Variants in PDE4D observed in about 807,000 individuals in gnomAD.
PDE4D encodes the protein 3',5'-cyclic-AMP phosphodiesterase 4D.
PDE4D carries 24 observed loss-of-function variants against 87.4 expected under a neutral mutation model. That is an observed-to-expected ratio of 0.27 (90% CI 0.20 to 0.39). The LOEUF (loss-of-function observed/expected upper bound fraction) is 0.39. Ranked by LOEUF, PDE4D falls within the 10% of genes least tolerant of loss-of-function variation. PDE4D has a pLI of 1.00. For missense variants in PDE4D, 714 were observed against 1,041.0 expected (o/e 0.69, Z 4.32); for synonymous variants, 384 against 383.2 (o/e 1.00, Z -0.02).
intron 1 of PDE4D, among the ~76,000 whole-genome samples, chr5:60,381,091 G>A (rs1761824686): frequency 6.6e-6 from 1 of 152,154 alleles, no homozygotes; most frequent in Non-Finnish European, 1.5e-5. Flanking sequence ...TAAGAGTGTT[G>A]TATGCCTCAG....
At chr5:59,517,371 G>A (rs990608210) in intron 1 of PDE4D, among the ~76,000 whole-genome samples, 1 of 152,154 alleles carries the variant, frequency 6.6e-6, no homozygotes, top group Non-Finnish European at 1.5e-5. Context: ...ATGCCGTCAA[G>A]AATGGCAGGT....
At chr5:59,034,129 T>C (rs1358200582) in intron 6 of PDE4D, among the ~76,000 whole-genome samples, 1 of 152,174 alleles carries the variant, frequency 6.6e-6, no homozygotes, top group African/African-American at 2.4e-5. Flanking sequence ...ATTCTCAATC[T>C]TTCATATTAA....
intron 1 of PDE4D, among the ~76,000 whole-genome samples, chr5:59,412,473 A>G (rs942929380): frequency 1.3e-5 from 2 of 152,178 alleles, no homozygotes; most frequent in Non-Finnish European, 2.9e-5. Context: ...TGGGGGAAGA[A>G]CTGATTATAG....
chr5:59,740,345 T>C (rs1441523876), intron 1 of PDE4D, among the ~76,000 whole-genome samples: 1 of 152,206 alleles, frequency 6.6e-6, no homozygotes, highest in Non-Finnish European at 1.5e-5. Flanking sequence ...AGTCATCCTT[T>C]TTTTTCTTGC....
In PDE4D at chr5:60,114,256, G is replaced by C. The variant is rs369543216; in HGVS notation, c.42+71301C>G. ...TTTATTTTTACAAGATGGCAACTTA[G>C]TTTTTAAAATATAAGTGAAGTGGTA... On this transcript the variant is annotated intron_variant, in intron 2 of 16. Coordinates refer to the PDE4D transcript ENST00000502484. Among the ~76,000 whole-genome samples, 9 of 152,144 alleles carry C rather than the reference G, an allele frequency of 5.9e-5. No homozygotes were observed. In the East Asian group the frequency reaches 1.7e-3, roughly 29 times the overall value.
At chr5:59,939,291 GC>G (rs1374611285) in intron 3 of PDE4D, among the ~76,000 whole-genome samples, 1 of 152,126 alleles carries the variant, frequency 6.6e-6, no homozygotes, top group Non-Finnish European at 1.5e-5. Flanking sequence ...AGTATCTTCT[GC>G]TTTGAGATTA....
chr5:60,256,759 T>C (rs1255915681), intron 1 of PDE4D, among the ~76,000 whole-genome samples: 1 of 151,908 alleles, frequency 6.6e-6, no homozygotes, highest in African/African-American at 2.4e-5. Context: ...GAGGCAAATG[T>C]CGAAAGAAGT....
rs1388950841 is a variant in PDE4D, at chr5:60,474,141, TATATATATAACA to T, written c.-90+13789_-90+13800del. Reference sequence around the variant, plus strand: ...ATATATATATATATATATATATATATATATATATAACAAAAACCTTAGACTGGGCAATTTATA... The same window carrying T: ...ATATATATATATATATATATATATATAAAACCTTAGACTGGGCAATTTATA... On this transcript the variant is annotated intron_variant, in intron 1 of 16. Coordinates refer to the PDE4D transcript ENST00000502484. Among the ~76,000 whole-genome samples the T allele has an allele frequency of 3.9e-3, 384 of 97,338 alleles. 11 individuals are homozygous for T. The highest frequency in any genetic ancestry group is 0.025 in the African/African-American group (376 of 15,084). 63.9% of individuals were successfully genotyped at this position (97,338 alleles called of 152,430 possible).
intron 1 of PDE4D, among the ~76,000 whole-genome samples, chr5:59,373,380 A>G (rs907123987): frequency 7.2e-5 from 11 of 152,252 alleles, no homozygotes; most frequent in African/African-American, 2.7e-4. Flanking sequence ...TCATAATGTA[A>G]TTACAAGTAC....
At chr5:59,256,167 T>G (rs780565254) in intron 1 of PDE4D, among the ~76,000 whole-genome samples, 3 of 152,138 alleles carry the variant, frequency 2.0e-5, no homozygotes, top group Non-Finnish European at 4.4e-5. Flanking sequence ...GTAACCCCAG[T>G]AGTATTTTAT....
intron 2 of PDE4D, 132 bp from the exon 3 acceptor site, chr5:59,193,668 A>C: frequency 1.4e-6 from 2 of 1,473,130 alleles, no homozygotes; most frequent in Non-Finnish European, 1.8e-6. Context: ...CTTATACTTC[A>C]GCACATGTTC....
At chr5:59,601,706 CT>C (rs1397166385) in intron 1 of PDE4D, among the ~76,000 whole-genome samples, 1 of 152,080 alleles carries the variant, frequency 6.6e-6, no homozygotes, top group Non-Finnish European at 1.5e-5. Context: ...ATTAGTCTCA[CT>C]CCCTCTCCTT....
At chr5:60,074,460 G>T (rs967661867) in intron 2 of PDE4D, among the ~76,000 whole-genome samples, 1 of 152,108 alleles carries the variant, frequency 6.6e-6, no homozygotes. Context: ...GTGCCATTTG[G>T]TGATGAGAAG....
rs553581398 is a variant in PDE4D at position 59,309,841 on chromosome 5, G to A, written c.456-93873C>T. On this transcript the variant is annotated intron_variant, in intron 1 of 14. Coordinates refer to ENST00000340635, the MANE Select transcript of PDE4D (RefSeq NM_001104631.2). The stretch of plus-strand genomic sequence containing the variant: ...TCTCAGACAATAAGAACCAAAGACT[G>A]TGTATCCTGCCCAAACCCGCTGCCA... Among the ~76,000 whole-genome samples the A allele has an allele frequency of 7.6e-4, 116 of 152,240 alleles. No homozygotes were observed. In the Middle Eastern group the frequency reaches 0.01, roughly 13 times the overall value.
chr5:59,413,457 CAAAAA>C (rs34074485), intron 1 of PDE4D, among the ~76,000 whole-genome samples: 2 of 54,410 alleles, frequency 3.7e-5, no homozygotes, highest in African/African-American at 8.3e-5. Flanking sequence ...GACTCCATCT[CAAAAA>C]AAAAAAAAAA....
chr5:60,244,895 T>C (rs1388001777), intron 1 of PDE4D, among the ~76,000 whole-genome samples: 1 of 151,956 alleles, frequency 6.6e-6, no homozygotes, highest in Non-Finnish European at 1.5e-5. Context: ...CAAAAATTTC[T>C]TGAGTAATGC....
intron 1 of PDE4D, among the ~76,000 whole-genome samples, chr5:59,875,683 C>T (rs1301965372): frequency 6.6e-6 from 1 of 151,794 alleles, no homozygotes; most frequent in African/African-American, 2.4e-5. Flanking sequence ...AACTTCCAAC[C>T]AATCCACACT....
chr5:60,040,894 A>C (rs1768402068), intron 2 of PDE4D, among the ~76,000 whole-genome samples: 1 of 152,158 alleles, frequency 6.6e-6, no homozygotes, highest in Admixed American at 6.5e-5. Flanking sequence ...TTTACAATTA[A>C]GTGAGCCCGA....
intron 2 of PDE4D, among the ~76,000 whole-genome samples, chr5:60,006,334 A>G (rs1218710623): frequency 6.6e-6 from 1 of 151,944 alleles, no homozygotes; most frequent in Non-Finnish European, 1.5e-5. Flanking sequence ...ACTTTTGCAT[A>G]TATTTGAAAT....
Sources: gnomAD v4.1 joint callset for allele counts (sites outside exome capture counted in the v4.1 genomes callset) on GRCh38, gnomAD v4.1.1 for gene constraint, MANE v1.5 for transcripts, NCBI Gene and HGNC (gene_info 2026-07-23, HGNC 2026-07-21) for gene names.